Variants in MACROD2 observed in about 807,000 individuals in gnomAD.
MACROD2 encodes the protein ADP-ribose glycohydrolase MACROD2.
Under a neutral mutation model 70.4 loss-of-function variants are expected in MACROD2, and 36 were observed. The ratio of observed to expected loss-of-function variants is 0.51; its 90% CI spans 0.39 to 0.68. The LOEUF is 0.68. Among genes scored for constraint, MACROD2 ranks in the 30% least tolerant of loss-of-function variants. The pLI is 0.00. For missense variants in MACROD2, 496 were observed against 538.4 expected (o/e 0.92, Z 0.78); for synonymous variants, 172 against 178.8 (o/e 0.96, Z 0.30).
intron 2 of MACROD2, among the ~76,000 whole-genome samples, chr20:14,007,534 T>G (rs975530674): frequency 1.3e-5 from 2 of 152,186 alleles, no homozygotes; most frequent in African/African-American, 4.8e-5. Context: ...ATACATAGAA[T>G]TACTAAACAA....
At chr20:15,858,380 C>A (rs1238543892) in intron 8 of MACROD2, among the ~76,000 whole-genome samples, 1 of 152,108 alleles carries the variant, frequency 6.6e-6, no homozygotes, top group Non-Finnish European at 1.5e-5. Flanking sequence ...GGCATATGGG[C>A]CCTTTTTCCT....
intron 8 of MACROD2, among the ~76,000 whole-genome samples, chr20:15,517,902 G>A (rs1007333244): frequency 6.6e-6 from 1 of 152,230 alleles, no homozygotes; most frequent in African/African-American, 2.4e-5. Flanking sequence ...AGGTTGCCGA[G>A]CCATTTCTTA....
chr20:15,513,557 G>T (rs896458021), intron 8 of MACROD2, among the ~76,000 whole-genome samples: 6 of 152,204 alleles, frequency 3.9e-5, no homozygotes, highest in Middle Eastern at 3.4e-3. Context: ...TGTACCAGAG[G>T]CTCTGCGTGT....
intron 4 of MACROD2, among the ~76,000 whole-genome samples, chr20:14,553,008 A>G (rs1415722204): frequency 1.3e-5 from 2 of 152,040 alleles, no homozygotes; most frequent in Non-Finnish European, 2.9e-5. Flanking sequence ...CCAATAATAA[A>G]TTAACTATAG....
chr20:14,774,326 C>T (rs1480382007), intron 5 of MACROD2, among the ~76,000 whole-genome samples: 1 of 152,036 alleles, frequency 6.6e-6, no homozygotes. Context: ...GGTGACAATA[C>T]TCCCTAACAG....
chr20:14,648,798 A>G (rs182292649), intron 4 of MACROD2, among the ~76,000 whole-genome samples: 7 of 152,262 alleles, frequency 4.6e-5, no homozygotes, highest in Admixed American at 6.5e-5. Context: ...GCTGCTTAAT[A>G]TTTTGTACTT....
chr20:15,030,474 C>T (rs372716973), intron 5 of MACROD2, among the ~76,000 whole-genome samples: 4 of 152,282 alleles, frequency 2.6e-5, no homozygotes, highest in African/African-American at 9.6e-5. Flanking sequence ...GCATGTTCTA[C>T]ACAATGTCCC....
At chr20:14,376,409 G>A (rs2083371008) in intron 3 of MACROD2, among the ~76,000 whole-genome samples, 1 of 152,108 alleles carries the variant, frequency 6.6e-6, no homozygotes, top group Non-Finnish European at 1.5e-5. Context: ...TGAGCATAAT[G>A]CCCAGACCCA....
chr20:15,047,814 G>T (rs1482530363), intron 5 of MACROD2, among the ~76,000 whole-genome samples: 3 of 152,062 alleles, frequency 2.0e-5, no homozygotes, highest in Non-Finnish European at 4.4e-5. Context: ...GGTTTCCTTT[G>T]CTTTTATTAC....
At chr20:14,785,125 G>T (rs1315242112) in intron 5 of MACROD2, among the ~76,000 whole-genome samples, 1 of 151,742 alleles carries the variant, frequency 6.6e-6, no homozygotes, top group East Asian at 1.9e-4. Flanking sequence ...TTGCCTCTCA[G>T]TCAGAAAACT....
At chr20:14,841,086 C>T (rs992596079) in intron 5 of MACROD2, among the ~76,000 whole-genome samples, 30 of 152,158 alleles carry the variant, frequency 2.0e-4, no homozygotes, top group African/African-American at 7.0e-4. Flanking sequence ...TTATTGCTTA[C>T]ACTCTAAATA....
At chr20:14,675,777 C>T (rs186185012) in intron 4 of MACROD2, among the ~76,000 whole-genome samples, 89 of 152,230 alleles carry the variant, frequency 5.8e-4, no homozygotes, top group African/African-American at 2.1e-3. Flanking sequence ...AGTCAAGACC[C>T]TTTGGTGTGC....
intron 3 of MACROD2, among the ~76,000 whole-genome samples, chr20:14,309,773 C>A (rs911244359): frequency 6.6e-6 from 1 of 152,050 alleles, no homozygotes; most frequent in African/African-American, 2.4e-5. Flanking sequence ...AAAAAATGGA[C>A]AGATACATAA....
chr20:14,249,031 G>T (rs2081989098), intron 3 of MACROD2, among the ~76,000 whole-genome samples: 1 of 150,210 alleles, frequency 6.7e-6, no homozygotes, highest in Non-Finnish European at 1.5e-5. Flanking sequence ...AATAGAAGAA[G>T]TTTTTCTAGA....
chr20:15,431,151 A>G (rs1194387052), intron 6 of MACROD2, among the ~76,000 whole-genome samples: 1 of 152,072 alleles, frequency 6.6e-6, no homozygotes, highest in Non-Finnish European at 1.5e-5. Context: ...TTTCTTAATA[A>G]TAACTTTAAC....
chr20:14,563,429 C>G (rs1979571657), intron 4 of MACROD2, among the ~76,000 whole-genome samples: 3 of 151,912 alleles, frequency 2.0e-5, no homozygotes, highest in Non-Finnish European at 2.9e-5. Flanking sequence ...CACTACATAT[C>G]TATTAGAGTG....
chr20:15,811,070 A>C (rs2147087068), intron 8 of MACROD2, among the ~76,000 whole-genome samples: 1 of 151,798 alleles, frequency 6.6e-6, no homozygotes, highest in African/African-American at 2.4e-5. Context: ...TGGCAACAAA[A>C]GCCAAAATTG....
At chr20:14,121,513 G>A (rs2054589028) in intron 3 of MACROD2, among the ~76,000 whole-genome samples, 1 of 152,136 alleles carries the variant, frequency 6.6e-6, no homozygotes, top group Admixed American at 6.5e-5. Flanking sequence ...AGGACTCCTT[G>A]TCTTTTCTGT....
At chr20:15,769,047 A>G (rs2051577043) in intron 8 of MACROD2, among the ~76,000 whole-genome samples, 1 of 152,208 alleles carries the variant, frequency 6.6e-6, no homozygotes, top group African/African-American at 2.4e-5. Flanking sequence ...TTTACAATTA[A>G]CCTTTTTAAT....
Sources: gnomAD v4.1 joint callset for allele counts (sites outside exome capture counted in the v4.1 genomes callset) on GRCh38, gnomAD v4.1.1 for gene constraint, MANE v1.5 for transcripts, NCBI Gene and HGNC (gene_info 2026-07-23, HGNC 2026-07-21) for gene names.